The following BBX variants were observed in gnomAD, a reference collection of about 807,000 sequenced individuals.
BBX encodes BBX high mobility group box domain containing.
BBX carries 30 observed loss-of-function variants against 100.2 expected under a neutral mutation model. The ratio of observed to expected loss-of-function variants is 0.30; its 90% confidence interval spans 0.22 to 0.41. The LOEUF (loss-of-function observed/expected upper bound fraction) is 0.41. Among genes scored for constraint, BBX ranks in the 10% least tolerant of loss-of-function variants. The pLI is 1.00. For missense variants in BBX, 1,023 were observed against 1,129.8 expected (o/e 0.91, Z 1.35); for synonymous variants, 376 against 388.1 (o/e 0.97, Z 0.37).
At chr3:107,788,647 C>T (rs1002550757) in intron 13 of BBX, among the ~76,000 whole-genome samples, 1 of 151,944 alleles carries the variant, frequency 6.6e-6, no homozygotes, top group Admixed American at 6.6e-5. Context: ...TGGTGATCCC[C>T]ACCTGTAGTC....
intron 5 of BBX, among the ~76,000 whole-genome samples, chr3:107,721,800 C>G (rs1361051075): frequency 6.6e-6 from 1 of 151,910 alleles, no homozygotes; most frequent in Non-Finnish European, 1.5e-5. Context: ...ATTGCCACAT[C>G]TGTAAAATGG....
chr3:107,597,799 A>G (rs1353596113), intron 2 of BBX, among the ~76,000 whole-genome samples: 6 of 152,190 alleles, frequency 3.9e-5, no homozygotes, highest in Non-Finnish European at 8.8e-5. Flanking sequence ...CTTTTTCACC[A>G]ACAGTATTTC....
rs528309793 is a variant in BBX, at chr3:107,733,042, G to A, written c.669+19G>A. On this transcript the variant is annotated intron_variant, in intron 7 of 17. Transcript: ENST00000325805. ...ACCAGAGGTAAGCCAGTCCTTTTCCGTCTCCACTCTGCTCATACTGTGGGT... is the reference window on the plus strand; with the variant it reads ...ACCAGAGGTAAGCCAGTCCTTTTCCATCTCCACTCTGCTCATACTGTGGGT... The A allele has an allele frequency of 6.8e-5, 109 of 1,607,200 alleles. 2 individuals carry two copies. The South Asian group carries it at 9.4e-4, about 14-fold the overall frequency.
At chr3:107,686,848 G>C (rs2059878878) in intron 3 of BBX, among the ~76,000 whole-genome samples, 1 of 152,092 alleles carries the variant, frequency 6.6e-6, no homozygotes, top group East Asian at 1.9e-4. Context: ...GCAAAAGTAG[G>C]GCTAAGGTGG....
chr3:107,588,815 G>A (rs747497261), intron 2 of BBX, among the ~76,000 whole-genome samples: 2 of 152,072 alleles, frequency 1.3e-5, no homozygotes, highest in Non-Finnish European at 2.9e-5. Context: ...ATTTGCCAGG[G>A]TTATAAAGGA....
chr3:107,801,519 G>A lies in BBX; in HGVS notation c.2738+238G>A, dbSNP rs781527209. 5.3e-5 allele frequency among the ~76,000 whole-genome samples: 8 copies of A among 152,142 alleles called. No homozygotes were observed. In the East Asian group the frequency reaches 7.7e-4, roughly 15 times the overall value. ...TATCCTGTGGCTAAACTTCATTTCC[G>A]TAAAAAGCCTGAGAGCAGGGAAGCA... On this transcript the variant is annotated intron_variant, in intron 17 of 17. Coordinates refer to ENST00000325805, the MANE Select transcript of BBX (RefSeq NM_001142568.3).
intron 2 of BBX, among the ~76,000 whole-genome samples, chr3:107,581,535 A>G (rs1260112024): frequency 6.6e-6 from 1 of 151,828 alleles, no homozygotes; most frequent in East Asian, 1.9e-4. Context: ...TTGTGGAATT[A>G]AGCATAGATT....
intron 3 of BBX, among the ~76,000 whole-genome samples, chr3:107,691,977 T>C (rs1468516148): frequency 6.6e-6 from 1 of 152,152 alleles, no homozygotes; most frequent in East Asian, 1.9e-4. Flanking sequence ...TTTTGCTTTA[T>C]GAAGTGAAGT....
chr3:107,548,358 ATG>A (rs1208541771), intron 2 of BBX, among the ~76,000 whole-genome samples: 1 of 152,128 alleles, frequency 6.6e-6, no homozygotes, highest in Non-Finnish European at 1.5e-5. Flanking sequence ...ATCTGTGTTT[ATG>A]TGTGTGTTCC....
intron 7 of BBX, among the ~76,000 whole-genome samples, chr3:107,742,594 G>A (rs1337585469): frequency 6.6e-6 from 1 of 152,114 alleles, no homozygotes; most frequent in African/African-American, 2.4e-5. Context: ...TTTAGCCATT[G>A]GATAGCATTT....
At chr3:107,719,895 C>T (rs1239306033) in intron 5 of BBX, among the ~76,000 whole-genome samples, 1 of 151,978 alleles carries the variant, frequency 6.6e-6, no homozygotes, top group African/African-American at 2.4e-5. Flanking sequence ...AACTAATTAT[C>T]ATAATGAATT....
intron 2 of BBX, among the ~76,000 whole-genome samples, chr3:107,594,116 T>TCACA (rs2053518588): frequency 6.6e-6 from 1 of 152,244 alleles, no homozygotes; most frequent in Admixed American, 6.5e-5. Context: ...CCAAGTTGTA[T>TCACA]CACAGACCAG....
intron 3 of BBX, among the ~76,000 whole-genome samples, chr3:107,655,801 C>T (rs948424690): frequency 2.6e-5 from 4 of 151,720 alleles, no homozygotes; most frequent in Non-Finnish European, 5.9e-5. Context: ...CCCGGATTCG[C>T]GCCATTCTCC....
At chr3:107,642,040 G>T (rs1345926409) in intron 2 of BBX, among the ~76,000 whole-genome samples, 1 of 152,078 alleles carries the variant, frequency 6.6e-6, no homozygotes, top group Non-Finnish European at 1.5e-5. Flanking sequence ...ATCATTTCTA[G>T]GCCTTTAGCC....
At chr3:107,785,920 T>C (rs927395063) in intron 13 of BBX, among the ~76,000 whole-genome samples, 1 of 152,066 alleles carries the variant, frequency 6.6e-6, no homozygotes, top group Non-Finnish European at 1.5e-5. Context: ...ACCTTGTATA[T>C]AGAAAATCCT....
chr3:107,533,546 C>T (rs561231975), intron 2 of BBX, among the ~76,000 whole-genome samples: 1 of 152,282 alleles, frequency 6.6e-6, no homozygotes, highest in African/African-American at 2.4e-5. Context: ...TAAGTTGAGC[C>T]AAGTTAAAGG....
chr3:107,570,955 C>T (rs2051309700), intron 2 of BBX, among the ~76,000 whole-genome samples: 2 of 152,040 alleles, frequency 1.3e-5, no homozygotes, highest in African/African-American at 2.4e-5. Context: ...AAAAATCATC[C>T]AGATAAAATG....
chr3:107,578,845 C>A lies in BBX; in HGVS notation c.-84+52447C>A, dbSNP rs140698638. Among the ~76,000 whole-genome samples, 1,269 of 152,214 alleles carry A rather than the reference C, an allele frequency of 8.3e-3. 24 individuals are homozygous for A. The highest frequency in any genetic ancestry group is 0.029 in the African/African-American group (1,208 of 41,522). ...CTGTCCCCTGCTTGTGACATTTTCCCCAACCTGTCAAATGCAAGAGTAGCA... is the reference window on the plus strand; with the variant it reads ...CTGTCCCCTGCTTGTGACATTTTCCACAACCTGTCAAATGCAAGAGTAGCA... On this transcript the variant is annotated intron_variant, in intron 2 of 17. Transcript: ENST00000325805.
At chr3:107,570,313 G>A (rs1268555607) in intron 2 of BBX, among the ~76,000 whole-genome samples, 1 of 152,114 alleles carries the variant, frequency 6.6e-6, no homozygotes, top group Non-Finnish European at 1.5e-5. Context: ...GGGGTTTGAG[G>A]GCCGGAATCT....
Sources: allele counts gnomAD v4.1 joint callset (sites outside exome capture counted in the v4.1 genomes callset), GRCh38; gene constraint gnomAD v4.1.1; transcripts MANE v1.5; gene names NCBI Gene and HGNC (gene_info 2026-07-23, HGNC 2026-07-21).